DDHD2: variants seen among roughly 807,000 people sequenced by gnomAD.
The protein encoded by DDHD2 is DDHD domain containing 2, also known as triacylglycerol hydrolase DDHD2.
A neutral mutation model predicts 91.2 loss-of-function variants in DDHD2; 62 were observed. That is an observed-to-expected ratio of 0.68 (90% CI 0.55 to 0.84). DDHD2 has a LOEUF of 0.84. DDHD2 is among the 40% of genes least tolerant of loss of function. The pLI is 0.00. For missense variants in DDHD2, 740 were observed against 846.9 expected (o/e 0.87, Z 1.57); for synonymous variants, 271 against 293.9 (o/e 0.92, Z 0.80).
chr8:38,268,462 C>G, intron 1 of DDHD2: 1 of 1,567,976 alleles, frequency 6.4e-7, no homozygotes, highest in Admixed American at 1.9e-5. Context: ...ATGCAATAAC[C>G]TGAATCAGAA....
chr8:38,251,707 T>G, intron 11 of DDHD2: 1 of 436,912 alleles, frequency 2.3e-6, no homozygotes, highest in African/African-American at 2.0e-5. Flanking sequence ...AGTAGAAAAC[T>G]ATATAATCCT....
chr8:38,268,081 A>C (rs1807961857), intron 1 of DDHD2: 1 of 1,521,636 alleles, frequency 6.6e-7, no homozygotes, highest in Admixed American at 2.2e-5. Flanking sequence ...GCCTGGGCAC[A>C]AAAATAATTA....
intron 10 of DDHD2, among the ~76,000 whole-genome samples, chr8:38,248,944 C>CAAAAA (rs35672008): frequency 1.9e-5 from 1 of 53,628 alleles, no homozygotes; most frequent in African/African-American, 6.5e-5. Context: ...GACTCCATCT[C>CAAAAA]AAAAAAAAAA....
intron 16 of DDHD2, among the ~76,000 whole-genome samples, chr8:38,258,121 A>C (rs1806676553): frequency 6.6e-6 from 1 of 152,164 alleles, no homozygotes; most frequent in Non-Finnish European, 1.5e-5. Flanking sequence ...CAGGTGTGCA[A>C]CACCATGCCT....
chr8:38,264,260 A>C, downstream of DDHD2: 1 of 728,722 alleles, frequency 1.4e-6, no homozygotes, highest in Non-Finnish European at 1.9e-6. Context: ...CAATTCTCCT[A>C]CCTCAGCCTC....
intron 16 of DDHD2, among the ~76,000 whole-genome samples, chr8:38,255,613 A>AAATTAAAGGCAATGTTCTGTG (rs1806455356): frequency 6.6e-6 from 1 of 152,172 alleles, no homozygotes; most frequent in Admixed American, 6.5e-5. Flanking sequence ...CATAAATAGT[A>AAATTAAAGGCAATGTTCTGTG]AATTAAAGGC....
chr8:38,272,932 A>G (rs562649308), downstream of DDHD2: 1 of 152,368 alleles, frequency 6.6e-6, no homozygotes, highest in African/African-American at 2.4e-5. Context: ...GTCAACATTG[A>G]CGCTATGGAG....
At chr8:38,259,472 G>A (rs1247448655) in intron 16 of DDHD2, among the ~76,000 whole-genome samples, 4 of 150,836 alleles carry the variant, frequency 2.7e-5, no homozygotes, top group Admixed American at 6.7e-5. Flanking sequence ...TGCAACCTCC[G>A]CTTCCTGGGT....
rs945720453 is a variant in DDHD2 at position 38,231,602 on chromosome 8, T to TGCCCTGCG, written c.-258_-251dup. 2.6e-5 allele frequency: 4 copies of TGCCCTGCG among 152,290 alleles called. No homozygotes were observed. The highest frequency in any genetic ancestry group is 5.9e-5 in the Non-Finnish European group (4 of 68,196). The allele number at this position is 152,290 out of a possible 1,614,324, so 9.4% of individuals were successfully genotyped here. A position where few individuals can be genotyped will look rare whatever the true frequency, so the allele number is the denominator to read the frequency against. On this transcript the variant is annotated 5_prime_UTR_variant, in exon 1 of 18. Transcript: ENST00000397166. ...CACCTCTCGCGACACTTGCCGCCCG[T>TGCCCTGCG]GCCCTGCGGCCCTGCACGCCCCACC...
At chr8:38,264,484 G>A (rs1373415973), downstream of DDHD2, 1 of 1,552,956 alleles carries the variant, frequency 6.4e-7, no homozygotes, top group Admixed American at 2.0e-5. Context: ...CTTCTGTGCA[G>A]TGGAAAGTAC....
intron 16 of DDHD2, among the ~76,000 whole-genome samples, chr8:38,255,616 TTAAAG>T (rs1410133321): frequency 2.0e-5 from 3 of 152,194 alleles, no homozygotes; most frequent in African/African-American, 7.2e-5. Context: ...AAATAGTAAA[TTAAAG>T]GCAATGTTCT....
intron 11 of DDHD2, 140 bp downstream of exon 11, chr8:38,249,943 G>T (rs1805979002): frequency 1.9e-5 from 9 of 479,924 alleles, no homozygotes; most frequent in East Asian, 1.8e-4. Context: ...TTGAGACAGG[G>T]TCTCGCTCTG....
chr8:38,264,076 A>C, downstream of DDHD2: 6 of 990,432 alleles, frequency 6.1e-6, no homozygotes, highest in Non-Finnish European at 7.2e-6. Flanking sequence ...GGGGAAAAAA[A>C]GGCTAGAATT....
chr8:38,254,146 A>G (rs376407980), intron 16 of DDHD2, among the ~76,000 whole-genome samples: 3 of 152,054 alleles, frequency 2.0e-5, no homozygotes, highest in South Asian at 2.1e-4. Flanking sequence ...AAGCACAATC[A>G]TGTCATTTCA....
intron 5 of DDHD2, among the ~76,000 whole-genome samples, chr8:38,239,562 G>T (rs1223541281): frequency 6.8e-6 from 1 of 146,316 alleles, no homozygotes; most frequent in Non-Finnish European, 1.5e-5. Flanking sequence ...TGGCGTGTGC[G>T]TGTAGTCCCA....
At chr8:38,263,552 G>A (rs1442917968), downstream of DDHD2, 1 of 985,344 alleles carries the variant, frequency 1.0e-6, no homozygotes, top group Non-Finnish European at 1.2e-6. Context: ...TCAACAAATT[G>A]TTTATGCCCA....
In DDHD2 at chr8:38,234,769, A is replaced by AT. The variant is rs373591192; in HGVS notation, c.411+201dup. Among the ~76,000 whole-genome samples, 30,523 of 142,232 alleles carry AT rather than the reference A, an allele frequency of 0.21. 3,589 individuals are homozygous for AT. The highest frequency in any genetic ancestry group is 0.31 in the East Asian group (1,509 of 4,924). 93.3% of individuals were successfully genotyped at this position (142,232 alleles called of 152,430 possible). On this transcript the variant is annotated intron_variant, in intron 3 of 17. Transcript: ENST00000397166. The stretch of plus-strand genomic sequence containing the variant: ...CAGGATAAAGTAGTCTTATTTTCAG[A>AT]TTTTTTTTTTTTTTTTGAGACGGAG...
chr8:38,273,011 G>GC (rs1371126785), downstream of DDHD2: 2 of 152,164 alleles, frequency 1.3e-5, no homozygotes, highest in African/African-American at 4.8e-5. Context: ...AACATTCATG[G>GC]CCAAAGACTT....
At position 38,236,639 on chromosome 8, in the gene DDHD2, C is replaced by A. The variant is rs191493124; in HGVS notation, c.412-899C>A. ...CAAGCGATTCTCCTGCCTCAGCCTCCCGAGTAGCTGGGATTACAGGCATGT... is the reference window on the plus strand; with the variant it reads ...CAAGCGATTCTCCTGCCTCAGCCTCACGAGTAGCTGGGATTACAGGCATGT... On this transcript the variant is annotated intron_variant, in intron 3 of 17. Transcript: ENST00000397166. 5.0e-3 allele frequency among the ~76,000 whole-genome samples: 762 copies of A among 152,286 alleles called. 6 individuals are homozygous for A. The highest frequency in any genetic ancestry group is 6.8e-3 in the Non-Finnish European group (464 of 68,028).
Sources: gnomAD v4.1 joint callset for allele counts (sites outside exome capture counted in the v4.1 genomes callset) on GRCh38, gnomAD v4.1.1 for gene constraint, MANE v1.5 for transcripts, NCBI Gene and HGNC (gene_info 2026-07-23, HGNC 2026-07-21) for gene names.